The following RSPO2 variants were observed in gnomAD, a reference collection of about 807,000 sequenced individuals.
The protein encoded by RSPO2 is R-spondin-2.
RSPO2 carries 14 observed loss-of-function variants against 30.9 expected under a neutral mutation model. The ratio of observed to expected loss-of-function variants is 0.45; its 90% CI spans 0.30 to 0.71. The LOEUF is 0.71. Ranked by LOEUF, RSPO2 falls within the 30% of genes least tolerant of loss-of-function variation. RSPO2 has a pLI of 0.08. For missense variants in RSPO2, 264 were observed against 301.9 expected, an observed-to-expected ratio of 0.87 and a Z score of 0.93; for synonymous variants, 107 against 96.4, an observed-to-expected ratio of 1.11 and a Z score of -0.64.
At chr8:107,932,604 C>T (rs1812585198) in intron 5 of RSPO2, among the ~76,000 whole-genome samples, 1 of 151,962 alleles carries the variant, frequency 6.6e-6, no homozygotes, top group African/African-American at 2.4e-5. Flanking sequence ...AGAGCTAAGG[C>T]CTAAGAATGC....
At chr8:108,026,822 T>A (rs1423504714) in intron 2 of RSPO2, among the ~76,000 whole-genome samples, 1 of 151,930 alleles carries the variant, frequency 6.6e-6, no homozygotes, top group African/African-American at 2.4e-5. Flanking sequence ...GCCGAGATCA[T>A]GCCACTGCAC....
At chr8:108,062,009 C>T (rs1586669943) in intron 2 of RSPO2, among the ~76,000 whole-genome samples, 1 of 151,780 alleles carries the variant, frequency 6.6e-6, no homozygotes, top group African/African-American at 2.4e-5. Context: ...CACAACATAC[C>T]AGAATCTCTG....
chr8:107,937,244 G>A (rs1250374903), intron 5 of RSPO2, among the ~76,000 whole-genome samples: 1 of 147,408 alleles, frequency 6.8e-6, no homozygotes, highest in Non-Finnish European at 1.5e-5. Context: ...ATTTATTGAA[G>A]AGGCTCTCCT....
chr8:107,983,534 C>T (rs1814521558), intron 3 of RSPO2: 20 of 1,600,134 alleles, frequency 1.2e-5, no homozygotes, highest in East Asian at 8.9e-5. Flanking sequence ...GATCCAGACA[C>T]ACTACTATAT....
chr8:107,949,867 G>T (rs939422237), intron 5 of RSPO2, among the ~76,000 whole-genome samples: 1 of 152,112 alleles, frequency 6.6e-6, no homozygotes, highest in African/African-American at 2.4e-5. Flanking sequence ...AAATTTATAT[G>T]ATTTTTTTAA....
chr8:107,948,964 C>CTT lies in RSPO2; in HGVS notation c.616+9114_616+9115dup, dbSNP rs34697845. 4.3e-3 allele frequency among the ~76,000 whole-genome samples: 594 copies of CTT among 139,070 alleles called. 4 individuals carry two copies. Among genetic ancestry groups the CTT allele is most frequent in the African/African-American group, 0.011 (434 of 37,966 alleles). The allele number at this position is 139,070 out of a possible 152,430, so 91.2% of individuals were successfully genotyped here. Reference sequence around the variant, plus strand: ...CCCCTGCAATATAATAGGTCTGCACCTTTTTTTTTTTTTTTGGTTCAAATT... The same window carrying CTT: ...CCCCTGCAATATAATAGGTCTGCACCTTTTTTTTTTTTTTTTTGGTTCAAATT... On this transcript the variant is annotated intron_variant, in intron 5 of 5. Coordinates refer to ENST00000276659, the MANE Select transcript of RSPO2 (RefSeq NM_178565.5).
chr8:107,973,595 C>T (rs1304009601), intron 3 of RSPO2, among the ~76,000 whole-genome samples: 3 of 151,942 alleles, frequency 2.0e-5, no homozygotes, highest in African/African-American at 4.8e-5. Flanking sequence ...AAACTGCCTC[C>T]CGTTGTTCTA....
intron 2 of RSPO2, among the ~76,000 whole-genome samples, chr8:108,070,930 C>T (rs1812827175): frequency 6.6e-6 from 1 of 152,270 alleles, no homozygotes; most frequent in African/African-American, 2.4e-5. Context: ...AAATCACATT[C>T]GTTTTTCACA....
intron 2 of RSPO2, among the ~76,000 whole-genome samples, chr8:108,065,485 G>T (rs924522110): frequency 6.6e-6 from 1 of 151,872 alleles, no homozygotes; most frequent in African/African-American, 2.4e-5. Flanking sequence ...TTAAATTTTT[G>T]ACTTCACTGG....
At chr8:108,067,238 A>G (rs1424651176) in intron 2 of RSPO2, among the ~76,000 whole-genome samples, 1 of 152,214 alleles carries the variant, frequency 6.6e-6, no homozygotes, top group Non-Finnish European at 1.5e-5. Flanking sequence ...AAGCATAGCC[A>G]CTGTATAAAG....
intron 5 of RSPO2, among the ~76,000 whole-genome samples, chr8:107,951,043 G>GTTTTTTTTTTTTT (rs767290459): frequency 3.4e-4 from 29 of 85,864 alleles, no homozygotes; most frequent in East Asian, 1.5e-3. Flanking sequence ...GGGAGAATAA[G>GTTTTTTTTTTTTT]TTTTTTTTTG....
At chr8:108,004,172 T>C (rs549945891) in intron 2 of RSPO2, among the ~76,000 whole-genome samples, 1 of 152,178 alleles carries the variant, frequency 6.6e-6, no homozygotes, top group African/African-American at 2.4e-5. Context: ...TCAAAAAGGA[T>C]AATGGGGGAA....
In RSPO2 at chr8:108,038,349, C is replaced by T. The variant is rs544727919; in HGVS notation, c.94+44196G>A. Among the ~76,000 whole-genome samples, 6 of 152,300 alleles carry T rather than the reference C, an allele frequency of 3.9e-5. No individual in the cohort carries two copies. In the South Asian group the frequency reaches 1.2e-3, roughly 32 times the overall value. On this transcript the variant is annotated intron_variant, in intron 2 of 5. Transcript: ENST00000276659. ...TAAAACTTGAATGGATGAGGAGTTG[C>T]TTCTTATGGATAAGCAAAGAAAGTG...
At chr8:107,974,802 C>A (rs1018888114) in intron 3 of RSPO2, among the ~76,000 whole-genome samples, 1 of 151,922 alleles carries the variant, frequency 6.6e-6, no homozygotes, top group Non-Finnish European at 1.5e-5. Context: ...AAAGGAACAT[C>A]TACCTGACAA....
Position 107,958,233 on chromosome 8 carries a change from T to C in RSPO2, c.463A>G (p.Thr155Ala), listed in dbSNP as rs1813491769. The part of the protein sequence containing the change: ...CEVGHWSEWG[T>A]CSRNNRTCGF... ...CATGTGCGATTATTTCTGCTACAAG[T>C]TCCCCATTCGCTCCAATGACCAACT... The change falls in exon 5 of 6, where the codon ACT becomes GCT. Residue 155 changes from threonine (T) to alanine (A), a missense_variant. Thr to Ala is a moderately conservative substitution (Grantham distance 58). Coordinates refer to ENST00000276659, the MANE Select transcript of RSPO2 (RefSeq NM_178565.5). 6 of 1,613,714 alleles carry C rather than the reference T, an allele frequency of 3.7e-6. No individual in the cohort carries two copies. The highest frequency in any genetic ancestry group is 5.1e-6 in the Non-Finnish European group (6 of 1,179,852).
At chr8:107,960,567 G>A in intron 4 of RSPO2, 107 bp downstream of exon 4, 2 of 1,085,472 alleles carry the variant, frequency 1.8e-6, no homozygotes, top group South Asian at 1.4e-5. Flanking sequence ...TACTGAACAA[G>A]AGAACCAATT....
At chr8:108,031,037 G>T (rs1384525913) in intron 2 of RSPO2, among the ~76,000 whole-genome samples, 1 of 152,174 alleles carries the variant, frequency 6.6e-6, no homozygotes, top group Non-Finnish European at 1.5e-5. Context: ...AGCAGGGAGA[G>T]AAAGTTTCTC....
intron 3 of RSPO2, among the ~76,000 whole-genome samples, chr8:107,974,430 G>C (rs1261173713): frequency 1.3e-5 from 2 of 152,134 alleles, no homozygotes; most frequent in Non-Finnish European, 2.9e-5. Context: ...AGGAGGATGG[G>C]TTGAGCCTGA....
At chr8:107,969,559 C>G (rs1470028982) in intron 3 of RSPO2, among the ~76,000 whole-genome samples, 1 of 152,138 alleles carries the variant, frequency 6.6e-6, no homozygotes, top group Non-Finnish European at 1.5e-5. Context: ...TCTGAAAATA[C>G]TGGCTTTATT....
Sources: gnomAD v4.1 joint callset for allele counts (sites outside exome capture counted in the v4.1 genomes callset) on GRCh38, gnomAD v4.1.1 for gene constraint, MANE v1.5 for transcripts, NCBI Gene and HGNC (gene_info 2026-07-23, HGNC 2026-07-21) for gene names.